The following SMARCAL1 variants were observed in gnomAD, a reference collection of about 807,000 sequenced individuals.
SMARCAL1 encodes ATP-driven annealing helicase.
SMARCAL1 carries 58 observed loss-of-function variants against 94.5 expected under a neutral mutation model. The observed-to-expected ratio is 0.61, with a 90% CI of 0.50 to 0.76. SMARCAL1 has a LOEUF of 0.76. Among genes scored for constraint, SMARCAL1 ranks in the 30% least tolerant of loss-of-function variants. The pLI, the probability that SMARCAL1 is intolerant of heterozygous loss-of-function variation, is 0.00. For missense variants in SMARCAL1, 1,051 were observed against 1,177.9 expected, an observed-to-expected ratio of 0.89 and a Z score of 1.58; for synonymous variants, 422 against 455.1, an observed-to-expected ratio of 0.93 and a Z score of 0.93.
chr2:216,437,518 G>C (rs956636790), intron 9 of SMARCAL1, among the ~76,000 whole-genome samples: 1 of 152,188 alleles, frequency 6.6e-6, no homozygotes, highest in African/African-American at 2.4e-5. Context: ...ACAGGGCTGT[G>C]CTAAGGACTT....
At chr2:216,461,318 TA>T (rs1441468789) in intron 12 of SMARCAL1, among the ~76,000 whole-genome samples, 14 of 152,006 alleles carry the variant, frequency 9.2e-5, no homozygotes, top group African/African-American at 3.4e-4. Flanking sequence ...TTTTGGCATA[TA>T]TAATTTGAGT....
At chr2:216,417,441 G>T in intron 4 of SMARCAL1, among the ~76,000 whole-genome samples, 1 of 152,184 alleles carries the variant, frequency 6.6e-6, no homozygotes, top group African/African-American at 2.4e-5. Flanking sequence ...TGCCCTGCAG[G>T]TGGCTGTCTT....
Position 216,482,994 on chromosome 2 carries a change from AAAAT to A in SMARCAL1, c.*21_*24del. ...CCCCTGTAAAAGGGGCAAAAAGAAAAAAATAAAAAGCATTTTAAAATCATGGAAT... is the reference window on the plus strand; with the variant it reads ...CCCCTGTAAAAGGGGCAAAAAGAAAAAAAAAGCATTTTAAAATCATGGAAT... On this transcript the variant is annotated 3_prime_UTR_variant, in exon 18 of 18. Coordinates refer to ENST00000357276, the MANE Select transcript of SMARCAL1 (RefSeq NM_014140.4). The surrounding 1 kb of genome is among the most constrained non-coding windows in gnomAD (Gnocchi z 4.3). The A allele has an allele frequency of 6.2e-7, 1 of 1,610,986 alleles. No homozygotes were observed. Among genetic ancestry groups the A allele is most frequent in the Non-Finnish European group, 8.5e-7 (1 of 1,179,302 alleles).
chr2:216,477,056 G>A, intron 15 of SMARCAL1, 53 bp from the exon 16 acceptor site: 4 of 1,419,304 alleles, frequency 2.8e-6, no homozygotes, highest in Non-Finnish European at 3.9e-6. Context: ...CTGCTATGGT[G>A]GATGGAACTG....
At chr2:216,423,610 T>G in intron 5 of SMARCAL1, 23 bp from the exon 6 acceptor site, 1 of 1,608,068 alleles carries the variant, frequency 6.2e-7, no homozygotes, top group Non-Finnish European at 8.5e-7. Context: ...TCCTATTTGC[T>G]TATTTATTTC....
At chr2:216,436,639 C>T (rs1290074979) in intron 9 of SMARCAL1, among the ~76,000 whole-genome samples, 1 of 152,172 alleles carries the variant, frequency 6.6e-6, no homozygotes, top group East Asian at 1.9e-4. Flanking sequence ...TCAAGTGTGG[C>T]TTTGAAAAGA....
intron 4 of SMARCAL1, among the ~76,000 whole-genome samples, chr2:216,418,241 C>T (rs1026486679): frequency 1.3e-5 from 2 of 152,064 alleles, no homozygotes; most frequent in African/African-American, 4.8e-5. Context: ...TGTAATGCTC[C>T]ACATGTTTTG....
intron 10 of SMARCAL1, among the ~76,000 whole-genome samples, chr2:216,442,663 T>C (rs903602545): frequency 1.3e-5 from 2 of 152,226 alleles, no homozygotes; most frequent in African/African-American, 4.8e-5. Flanking sequence ...CCCTTAATAA[T>C]GTATCTTGAA....
At chr2:216,421,539 C>G (rs1317274686) in intron 5 of SMARCAL1, among the ~76,000 whole-genome samples, 1 of 152,118 alleles carries the variant, frequency 6.6e-6, no homozygotes, top group Non-Finnish European at 1.5e-5. Flanking sequence ...CCCACCTTGG[C>G]CTCCCAAAAT....
chr2:216,440,002 A>G (rs527240362), intron 10 of SMARCAL1, among the ~76,000 whole-genome samples: 135 of 151,612 alleles, frequency 8.9e-4, no homozygotes, highest in African/African-American at 3.1e-3. Flanking sequence ...AGATTGTGCC[A>G]CTGCACTCCA....
intron 10 of SMARCAL1, among the ~76,000 whole-genome samples, chr2:216,445,018 C>G (rs774765983): frequency 2.0e-5 from 3 of 152,196 alleles, no homozygotes; most frequent in South Asian, 2.1e-4. Context: ...CTTTCTAACA[C>G]CACACAGAAA....
At chr2:216,417,485 T>G (rs982799360) in intron 4 of SMARCAL1, among the ~76,000 whole-genome samples, 3 of 152,220 alleles carry the variant, frequency 2.0e-5, no homozygotes, top group Admixed American at 2.0e-4. Flanking sequence ...TTCCTTTGTG[T>G]GTGCAAATCC....
intron 15 of SMARCAL1, among the ~76,000 whole-genome samples, chr2:216,476,093 C>T (rs184026): frequency 0.42 from 63,181 of 151,928 alleles, 14,063 homozygotes; most frequent in African/African-American, 0.59. Flanking sequence ...GACACCACCA[C>T]TGGCCTCACC....
chr2:216,477,282 C>T, intron 16 of SMARCAL1, 73 bp downstream of exon 16: 2 of 1,078,242 alleles, frequency 1.9e-6, no homozygotes, highest in South Asian at 2.7e-5. Flanking sequence ...TTACTTTGCT[C>T]CCAAAGTGCT....
chr2:216,458,359 A>G (rs1255621613), intron 12 of SMARCAL1, among the ~76,000 whole-genome samples: 2 of 152,240 alleles, frequency 1.3e-5, no homozygotes, highest in Non-Finnish European at 2.9e-5. Context: ...ACTGATACCA[A>G]AGCCTGGCAG....
chr2:216,449,568 C>A (rs1490272956), intron 11 of SMARCAL1, among the ~76,000 whole-genome samples: 3 of 152,274 alleles, frequency 2.0e-5, no homozygotes, highest in African/African-American at 7.2e-5. Flanking sequence ...TTTATTCCTC[C>A]ACCTTTGACC....
chr2:216,439,467 C>G (rs1694152312), intron 10 of SMARCAL1, among the ~76,000 whole-genome samples: 1 of 152,144 alleles, frequency 6.6e-6, no homozygotes, highest in East Asian at 1.9e-4. Context: ...GTAGACTGAG[C>G]AAACCAAAGT....
intron 6 of SMARCAL1, among the ~76,000 whole-genome samples, chr2:216,426,271 G>A (rs970710352): frequency 6.6e-6 from 1 of 152,210 alleles, no homozygotes. Context: ...GACTTTTATG[G>A]AATGACAAAA....
At chr2:216,481,487 C>T (rs1695198540) in intron 17 of SMARCAL1, among the ~76,000 whole-genome samples, 2 of 140,456 alleles carry the variant, frequency 1.4e-5, no homozygotes, top group South Asian at 4.6e-4. Flanking sequence ...TGAGCCCTTG[C>T]AGCAGCCTTA....
Sources: gnomAD v4.1 joint callset for allele counts (sites outside exome capture counted in the v4.1 genomes callset) on GRCh38, gnomAD v4.1.1 for gene constraint, Gnocchi (gnomAD v3.1) non-coding constraint, MANE v1.5 for transcripts, NCBI Gene and HGNC (gene_info 2026-07-23, HGNC 2026-07-21) for gene names.